The following CSMD3 variants were observed in gnomAD, a reference collection of about 807,000 sequenced individuals.
The protein encoded by CSMD3 is CUB and Sushi multiple domains 3.
Under a neutral mutation model 435.2 loss-of-function variants are expected in CSMD3, and 177 were observed. That is an observed-to-expected ratio of 0.41 (90% CI 0.36 to 0.46). The LOEUF is 0.46. CSMD3 is among the 20% of genes least tolerant of loss of function. The pLI, the probability that CSMD3 is intolerant of heterozygous loss-of-function variation, is 0.34. For synonymous variants in CSMD3, 1,656 were observed against 1,520.5 expected (o/e 1.09, Z -2.07); for missense variants, 4,265 against 4,504.6 (o/e 0.95, Z 1.52).
Position 112,472,518 on chromosome 8 carries a change from T to G in CSMD3, c.5395+73A>C, listed in dbSNP as rs573381987. The G allele has an allele frequency of 8.4e-6, 7 of 834,666 alleles. No individual in the cohort carries two copies. The East Asian group carries it at 1.2e-4, about 14-fold the overall frequency. 51.7% of individuals were successfully genotyped at this position (834,666 alleles called of 1,614,324 possible). On this transcript the variant is annotated intron_variant, in intron 32 of 70. Coordinates refer to ENST00000297405, the MANE Select transcript of CSMD3 (RefSeq NM_198123.2). Reference sequence around the variant, plus strand: ...GATAGCACGTATTTTCATTTAAAATTTTTGAATAGCATGTAGTGAAAAATA... The same window carrying G: ...GATAGCACGTATTTTCATTTAAAATGTTTGAATAGCATGTAGTGAAAAATA...
chr8:112,626,739 T>C (rs534868924), intron 22 of CSMD3, among the ~76,000 whole-genome samples: 13 of 152,012 alleles, frequency 8.6e-5, no homozygotes, highest in Admixed American at 8.5e-4. Flanking sequence ...TCTTCTCCAG[T>C]TATCTACACT....
At chr8:112,641,528 T>C (rs1163019018) in intron 20 of CSMD3, among the ~76,000 whole-genome samples, 2 of 152,002 alleles carry the variant, frequency 1.3e-5, no homozygotes, top group Non-Finnish European at 2.9e-5. Context: ...TAGAGGGGTA[T>C]AAAAATGACC....
chr8:113,271,205 C>T (rs1263413772), intron 3 of CSMD3, among the ~76,000 whole-genome samples: 1 of 152,006 alleles, frequency 6.6e-6, no homozygotes, highest in African/African-American at 2.4e-5. Context: ...AAACAAAAAC[C>T]CATTTTTTGG....
At chr8:113,147,302 C>T (rs1310079223) in intron 4 of CSMD3, among the ~76,000 whole-genome samples, 8 of 151,350 alleles carry the variant, frequency 5.3e-5, no homozygotes, top group African/African-American at 1.9e-4. Context: ...TAGACTTTGC[C>T]CTCAAAAACT....
intron 10 of CSMD3, among the ~76,000 whole-genome samples, chr8:112,898,605 T>C (rs2082017422): frequency 2.6e-5 from 4 of 151,230 alleles, no homozygotes; most frequent in Admixed American, 2.6e-4. Flanking sequence ...TTTCACATAG[T>C]AAACAAATTT....
At chr8:113,227,011 C>T (rs958078504) in intron 3 of CSMD3, among the ~76,000 whole-genome samples, 17 of 151,516 alleles carry the variant, frequency 1.1e-4, no homozygotes, top group African/African-American at 4.1e-4. Context: ...TAGGATTATT[C>T]TATTTTACAT....
At chr8:112,523,572 C>A (rs2131026584) in intron 27 of CSMD3, among the ~76,000 whole-genome samples, 1 of 152,066 alleles carries the variant, frequency 6.6e-6, no homozygotes, top group Non-Finnish European at 1.5e-5. Flanking sequence ...ACACTGTATT[C>A]TCCACTTCCC....
rs952717864 is a variant in CSMD3 at position 112,724,072 on chromosome 8, T to C, written c.1973-34022A>G. On this transcript the variant is annotated intron_variant, in intron 13 of 70. Coordinates refer to ENST00000297405, the MANE Select transcript of CSMD3 (RefSeq NM_198123.2). ...AATAAAATTATATAATATTAGAAGG[T>C]AATAAGTGCTATGGATGAAAAAAAT... Among the ~76,000 whole-genome samples the C allele has an allele frequency of 4.0e-5, 6 of 151,858 alleles. No individual in the cohort carries two copies. The East Asian group carries it at 1.2e-3, about 29-fold the overall frequency.
chr8:112,972,264 T>C (rs957886481), intron 7 of CSMD3, among the ~76,000 whole-genome samples: 24 of 152,008 alleles, frequency 1.6e-4, no homozygotes, highest in Middle Eastern at 6.8e-3. Context: ...AAATATTAAA[T>C]TATTACATAC....
At chr8:113,344,022 T>C (rs117025390) in intron 1 of CSMD3, among the ~76,000 whole-genome samples, 4,417 of 152,284 alleles carry the variant, frequency 0.029, 85 homozygotes, top group Non-Finnish European at 0.039. Context: ...TTCATATTTT[T>C]AGGTATATAG....
At chr8:112,385,984 C>A (rs980033917) in intron 36 of CSMD3, among the ~76,000 whole-genome samples, 1 of 151,974 alleles carries the variant, frequency 6.6e-6, no homozygotes, top group Non-Finnish European at 1.5e-5. Context: ...ATTTAAGAAT[C>A]TTGAGAAAGG....
chr8:112,301,713 A>C, intron 53 of CSMD3, 80 bp downstream of exon 53: 1 of 1,009,768 alleles, frequency 9.9e-7, no homozygotes, highest in Admixed American at 1.7e-5. Context: ...TTAGTATCTC[A>C]TATTAGGGAA....
intron 24 of CSMD3, among the ~76,000 whole-genome samples, chr8:112,557,817 T>G (rs532967713): frequency 1.3e-5 from 2 of 152,022 alleles, no homozygotes; most frequent in South Asian, 4.1e-4. Context: ...AGTAAATGTT[T>G]CCCTGAGTTT....
At chr8:112,935,447 T>C (rs1351354761) in intron 9 of CSMD3, among the ~76,000 whole-genome samples, 4 of 152,138 alleles carry the variant, frequency 2.6e-5, no homozygotes, top group Admixed American at 6.6e-5. Context: ...GTAGAGAATG[T>C]CATTGGTATT....
chr8:113,378,951 T>G (rs2094402724), intron 1 of CSMD3, among the ~76,000 whole-genome samples: 1 of 152,078 alleles, frequency 6.6e-6, no homozygotes, highest in Admixed American at 6.6e-5. Context: ...AAAATGAAAT[T>G]GAGGAGGTAG....
At chr8:112,971,674 T>C (rs1182929213) in intron 7 of CSMD3, among the ~76,000 whole-genome samples, 1 of 152,126 alleles carries the variant, frequency 6.6e-6, no homozygotes, top group Non-Finnish European at 1.5e-5. Flanking sequence ...TAAGTTCTCA[T>C]TTTGAGGACT....
chr8:112,702,818 T>C (rs184364519), intron 13 of CSMD3, among the ~76,000 whole-genome samples: 7 of 152,188 alleles, frequency 4.6e-5, no homozygotes, highest in Admixed American at 2.6e-4. Flanking sequence ...GCCACACTTA[T>C]GTAAGGCAGC....
intron 10 of CSMD3, among the ~76,000 whole-genome samples, chr8:112,864,497 C>T (rs1486294952): frequency 2.6e-5 from 4 of 151,994 alleles, no homozygotes; most frequent in Admixed American, 1.3e-4. Context: ...GTGATCAGCC[C>T]GCCTCAGCCT....
intron 13 of CSMD3, among the ~76,000 whole-genome samples, chr8:112,696,962 AAC>A (rs1395381586): frequency 1.3e-5 from 2 of 151,786 alleles, no homozygotes; most frequent in African/African-American, 4.8e-5. Context: ...GCAGCCAACA[AAC>A]ACATGAAAAA....
Sources: allele counts gnomAD v4.1 joint callset (sites outside exome capture counted in the v4.1 genomes callset), GRCh38; gene constraint gnomAD v4.1.1; transcripts MANE v1.5; gene names NCBI Gene and HGNC (gene_info 2026-07-23, HGNC 2026-07-21).